BMPR1B: variants seen among roughly 807,000 people sequenced by gnomAD.
BMPR1B encodes bone morphogenetic protein receptor type-1B.
BMPR1B carries 12 observed loss-of-function variants against 59.1 expected under a neutral mutation model. The observed-to-expected ratio is 0.20, with a 90% CI of 0.13 to 0.33. BMPR1B has a LOEUF of 0.33. BMPR1B is among the 10% of genes least tolerant of loss of function. The pLI, the probability that BMPR1B is intolerant of heterozygous loss-of-function variation, is 1.00. For missense variants in BMPR1B, 550 were observed against 610.9 expected, an observed-to-expected ratio of 0.90 and a Z score of 1.05; for synonymous variants, 237 against 207.3, an observed-to-expected ratio of 1.14 and a Z score of -1.23.
intron 2 of BMPR1B, among the ~76,000 whole-genome samples, chr4:94,878,038 G>T (rs1272847390): frequency 6.6e-6 from 1 of 151,982 alleles, no homozygotes; most frequent in Non-Finnish European, 1.5e-5. Flanking sequence ...AATTTTAATG[G>T]CTCTATCATC....
At chr4:94,844,271 G>A (rs990667216) in intron 1 of BMPR1B, among the ~76,000 whole-genome samples, 1 of 89,706 alleles carries the variant, frequency 1.1e-5, no homozygotes, top group Admixed American at 9.0e-5. Context: ...CTTCTAGTTC[G>A]ACTCTTCTTC....
intron 1 of BMPR1B, among the ~76,000 whole-genome samples, chr4:94,827,654 C>G (rs1724433878): frequency 6.6e-6 from 1 of 152,116 alleles, no homozygotes; most frequent in Non-Finnish European, 1.5e-5. Flanking sequence ...ATGATTCATT[C>G]TTGCTGTTTT....
At chr4:94,858,301 T>C (rs988645744) in intron 1 of BMPR1B, among the ~76,000 whole-genome samples, 1 of 152,190 alleles carries the variant, frequency 6.6e-6, no homozygotes, top group Non-Finnish European at 1.5e-5. Context: ...TTTATGCTTG[T>C]ATGTAACTCC....
chr4:94,838,651 T>G lies in BMPR1B; in HGVS notation c.-182-37180T>G, dbSNP rs1188051207. Among the ~76,000 whole-genome samples, 2 of 142,546 alleles carry G rather than the reference T, an allele frequency of 1.4e-5. 1 individual carries two copies. The highest frequency in any genetic ancestry group is 3.1e-5 in the Non-Finnish European group (2 of 64,592). 93.5% of individuals were successfully genotyped at this position (142,546 alleles called of 152,430 possible). ...TGTGTCTATTTGATTCTTCTCTCTT[T>G]TTTTCTTTATTAGTCTTACTAGCGG... On this transcript the variant is annotated intron_variant, in intron 1 of 12. Transcript: ENST00000515059.
rs17428952 is a variant in BMPR1B, at chr4:94,867,204, C to G, written c.-182-8627C>G. Among the ~76,000 whole-genome samples the G allele has an allele frequency of 2.6e-5, 4 of 152,226 alleles. No homozygotes were observed. In the East Asian group the frequency reaches 7.7e-4, roughly 29 times the overall value. On this transcript the variant is annotated intron_variant, in intron 1 of 12. Coordinates refer to ENST00000515059, the MANE Select transcript of BMPR1B (RefSeq NM_001203.3). ...GCTAACCCTTCTCTGGATAGATACC[C>G]CATTCTCAAGCATGCCTCCAGAAGA...
chr4:95,116,421 G>GCGCGCGCACACACACA, intron 6 of BMPR1B, among the ~76,000 whole-genome samples: 23 of 123,246 alleles, frequency 1.9e-4, no homozygotes, highest in African/African-American at 7.2e-4. Context: ...TTCAGCGCGC[G>GCGCGCGCACACACACA]CACACACACA....
chr4:95,115,664 G>A, intron 5 of BMPR1B, 21 bp from the exon 6 acceptor site: 1 of 1,586,784 alleles, frequency 6.3e-7, no homozygotes, highest in Non-Finnish European at 8.7e-7. Context: ...CTCACTAATA[G>A]CTGTTTGGGT....
At chr4:94,845,434 C>G (rs2148940499) in intron 1 of BMPR1B, among the ~76,000 whole-genome samples, 1 of 151,950 alleles carries the variant, frequency 6.6e-6, no homozygotes, top group East Asian at 1.9e-4. Flanking sequence ...GCTCTGCCTC[C>G]CGGGTTCACG....
In BMPR1B at chr4:95,129,892, A is replaced by G. The variant is rs1344379581; in HGVS notation, c.616A>G (p.Met206Val). 1.2e-6 allele frequency: 2 copies of G among 1,613,674 alleles called. No individual in the cohort carries two copies. Among genetic ancestry groups the G allele is most frequent in the African/African-American group, 1.3e-5 (1 of 74,918 alleles). Residue 206 changes from methionine (M) to valine (V), a missense_variant, in exon 9 of 13, where the codon ATG becomes GTG. By Grantham distance (21) the Met-to-Val change is conservative. Coordinates refer to ENST00000515059, the MANE Select transcript of BMPR1B (RefSeq NM_001203.3). ...AAGGACTATAGCTAAGCAGATTCAG[A>G]TGGTGAAACAGATTGGAAAAGGTCG... is the stretch of plus-strand genomic sequence containing the variant. ...VQRTIAKQIQ[M>V]VKQIGKGRYG...
At chr4:94,885,341 G>T (rs1211007774) in intron 2 of BMPR1B, among the ~76,000 whole-genome samples, 1 of 152,164 alleles carries the variant, frequency 6.6e-6, no homozygotes, top group Admixed American at 6.5e-5. Flanking sequence ...TGAAGATGTT[G>T]CTTCTTTATT....
At chr4:94,859,408 A>G (rs1459514176) in intron 1 of BMPR1B, among the ~76,000 whole-genome samples, 2 of 152,194 alleles carry the variant, frequency 1.3e-5, no homozygotes, top group Non-Finnish European at 2.9e-5. Flanking sequence ...TACCCTTCCC[A>G]CGAGGGAGGC....
At chr4:95,152,835 T>C in intron 12 of BMPR1B, 62 bp downstream of exon 12, 2 of 1,579,434 alleles carry the variant, frequency 1.3e-6, no homozygotes, top group Admixed American at 3.5e-5. Context: ...CTTTTTTAGC[T>C]AAAATTCCAC....
At chr4:94,940,305 AT>A (rs1427477897) in intron 2 of BMPR1B, among the ~76,000 whole-genome samples, 1 of 152,118 alleles carries the variant, frequency 6.6e-6, no homozygotes, top group Admixed American at 6.5e-5. Context: ...ATTATGAGAT[AT>A]TTTTGCAATT....
intron 4 of BMPR1B, among the ~76,000 whole-genome samples, chr4:95,104,992 A>C (rs1731100127): frequency 1.3e-5 from 2 of 152,078 alleles, no homozygotes; most frequent in African/African-American, 4.8e-5. Flanking sequence ...GCTGCTGGGA[A>C]TATTCATAAA....
chr4:95,020,828 A>C (rs775989250), intron 3 of BMPR1B, among the ~76,000 whole-genome samples: 5 of 152,144 alleles, frequency 3.3e-5, no homozygotes, highest in Non-Finnish European at 7.3e-5. Flanking sequence ...CTCCTGCCTC[A>C]GCCTCCTGAG....
In BMPR1B at chr4:94,884,517, C is replaced by G. The variant is rs556483440; in HGVS notation, c.-113+8617C>G. Among the ~76,000 whole-genome samples, 75 of 151,186 alleles carry G rather than the reference C, an allele frequency of 5.0e-4. 1 individual carries two copies. The highest frequency in any genetic ancestry group is 1.8e-3 in the African/African-American group (72 of 40,672). ...CTCCAGCCTGGGAGACAGAGCGAGA[C>G]TCTGTCTCAAAAAAAACAAAAAGCT... On this transcript the variant is annotated intron_variant, in intron 2 of 12. Transcript: ENST00000515059.
intron 1 of BMPR1B, among the ~76,000 whole-genome samples, chr4:94,791,310 T>G (rs1418243970): frequency 6.6e-6 from 1 of 152,168 alleles, no homozygotes; most frequent in Admixed American, 6.6e-5. Context: ...CTTTTATTAT[T>G]CAATATCATC....
chr4:94,879,415 A>G (rs1037837161), intron 2 of BMPR1B, among the ~76,000 whole-genome samples: 1 of 152,174 alleles, frequency 6.6e-6, no homozygotes, highest in Non-Finnish European at 1.5e-5. Context: ...AGCCTAGGCA[A>G]CATGGCTAGA....
At chr4:94,837,154 T>A (rs558615188) in intron 1 of BMPR1B, among the ~76,000 whole-genome samples, 1,478 of 146,266 alleles carry the variant, frequency 0.01, 18 homozygotes, top group African/African-American at 0.022. Flanking sequence ...CTGTTTTGGT[T>A]ACTGTAGCCT....
Sources: allele counts gnomAD v4.1 joint callset (sites outside exome capture counted in the v4.1 genomes callset), GRCh38; gene constraint gnomAD v4.1.1; transcripts MANE v1.5; gene names NCBI Gene and HGNC (gene_info 2026-07-23, HGNC 2026-07-21).